The following B4GALNT3 variants were observed in gnomAD, a reference collection of about 807,000 sequenced individuals.
B4GALNT3 encodes the protein beta-1,4-N-acetylgalactosaminyltransferase 3.
Under a neutral mutation model 120.2 loss-of-function variants are expected in B4GALNT3, and 86 were observed. The ratio of observed to expected loss-of-function variants is 0.72; its 90% CI spans 0.60 to 0.86. The LOEUF (loss-of-function observed/expected upper bound fraction) is 0.86. Among genes scored for constraint, B4GALNT3 ranks in the 40% least tolerant of loss-of-function variants. The pLI, the probability that B4GALNT3 is intolerant of heterozygous loss-of-function variation, is 0.00. For missense variants in B4GALNT3, 1,167 were observed against 1,298.9 expected, an observed-to-expected ratio of 0.90 and a Z score of 1.56; for synonymous variants, 518 against 510.4, an observed-to-expected ratio of 1.01 and a Z score of -0.20.
chr12:517,198 T>A (rs1375615630), intron 1 of B4GALNT3, among the ~76,000 whole-genome samples: 1 of 152,158 alleles, frequency 6.6e-6, no homozygotes, highest in Non-Finnish European at 1.5e-5. Flanking sequence ...AAAAACCTGC[T>A]GAGATCAGCA....
chr12:546,408 G>A (rs1010717883), intron 6 of B4GALNT3, among the ~76,000 whole-genome samples: 1 of 152,006 alleles, frequency 6.6e-6, no homozygotes, highest in Non-Finnish European at 1.5e-5. Flanking sequence ...GTGCTGACTC[G>A]CGCTGCAGGT....
chr12:543,055 A>G, intron 3 of B4GALNT3: 7 of 1,234,804 alleles, frequency 5.7e-6, no homozygotes, highest in Non-Finnish European at 7.4e-6. Context: ...CCTCTCAGCT[A>G]TTCTGTCACA....
intron 3 of B4GALNT3, chr12:540,493 G>A (rs1459377620): frequency 1.3e-5 from 2 of 152,260 alleles, no homozygotes; most frequent in Admixed American, 6.5e-5. Flanking sequence ...TTTGAAGGAT[G>A]AGCAGGAGTT....
At chr12:505,467 G>T (rs1002153430) in intron 1 of B4GALNT3, among the ~76,000 whole-genome samples, 1 of 152,196 alleles carries the variant, frequency 6.6e-6, no homozygotes, top group Non-Finnish European at 1.5e-5. Context: ...AGGGCCGTCT[G>T]CCCAGCCATT....
At chr12:481,527 C>T (rs942769975) in intron 1 of B4GALNT3, among the ~76,000 whole-genome samples, 1 of 152,232 alleles carries the variant, frequency 6.6e-6, no homozygotes, top group Non-Finnish European at 1.5e-5. Context: ...TGGGACTTTG[C>T]TCTGTGCTGC....
rs1946471622 is a variant in B4GALNT3, at chr12:504,175, G to A, written c.170-30991G>A. ...TCATTGCTTAAAAAGAAAGAAAAGTGAAGGCTGAGGCAGGAGGATCACTTC... is the reference window on the plus strand; with the variant it reads ...TCATTGCTTAAAAAGAAAGAAAAGTAAAGGCTGAGGCAGGAGGATCACTTC... On this transcript the variant is annotated intron_variant, in intron 1 of 19. Coordinates refer to ENST00000266383, the MANE Select transcript of B4GALNT3 (RefSeq NM_173593.4). 2.0e-5 allele frequency among the ~76,000 whole-genome samples: 3 copies of A among 150,852 alleles called. No individual in the cohort carries two copies. The South Asian group carries it at 6.3e-4, about 32-fold the overall frequency.
chr12:511,339 T>TCCG (rs199673861), intron 1 of B4GALNT3, among the ~76,000 whole-genome samples: 20 of 51,174 alleles, frequency 3.9e-4, no homozygotes, highest in Admixed American at 1.8e-3. Flanking sequence ...CCTTCCACCT[T>TCCG]CCTTCCACCT....
At chr12:522,422 T>C (rs895258110) in intron 1 of B4GALNT3, among the ~76,000 whole-genome samples, 3 of 152,092 alleles carry the variant, frequency 2.0e-5, no homozygotes, top group Admixed American at 6.6e-5. Context: ...GGAAAAATAT[T>C]GTATGATTCC....
intron 19 of B4GALNT3, among the ~76,000 whole-genome samples, chr12:559,956 G>A (rs1947207603): frequency 1.3e-5 from 2 of 152,166 alleles, no homozygotes; most frequent in Admixed American, 6.5e-5. Flanking sequence ...TGGAGCAGGA[G>A]GAAAGGGTCA....
At chr12:512,225 T>TCTTCCAC (rs1333176650) in intron 1 of B4GALNT3, among the ~76,000 whole-genome samples, 1 of 52,170 alleles carries the variant, frequency 1.9e-5, no homozygotes, top group East Asian at 5.7e-4. Context: ...CCTTCCACCT[T>TCTTCCAC]CTTCCACCTT....
intron 1 of B4GALNT3, among the ~76,000 whole-genome samples, chr12:511,209 T>TTTTTTG: frequency 6.6e-6 from 1 of 150,634 alleles, no homozygotes; most frequent in Non-Finnish European, 1.5e-5. Context: ...TTGTTTTTTG[T>TTTTTTG]TTTTTTTGGT....
At chr12:547,132 C>T (rs2120705178) in intron 7 of B4GALNT3, among the ~76,000 whole-genome samples, 1 of 151,714 alleles carries the variant, frequency 6.6e-6, no homozygotes, top group Admixed American at 6.6e-5. Context: ...GTGGCCCACG[C>T]GCGCTCACGC....
chr12:508,868 T>C (rs544837393), intron 1 of B4GALNT3, among the ~76,000 whole-genome samples: 1 of 152,350 alleles, frequency 6.6e-6, no homozygotes, highest in Non-Finnish European at 1.5e-5. Flanking sequence ...TCATACACAA[T>C]TATTTTTCAG....
intron 1 of B4GALNT3, among the ~76,000 whole-genome samples, chr12:479,741 T>C (rs1946217042): frequency 6.6e-6 from 1 of 152,064 alleles, no homozygotes; most frequent in South Asian, 2.1e-4. Flanking sequence ...TGTAGAATCA[T>C]AGAGTATTTA....
rs1227275006 is a variant in B4GALNT3 at position 520,628 on chromosome 12, A to C, written c.170-14538A>C. ...TGAAAGGTAAGAGTAGATCAGTAGA[A>C]ATTATCTTATGGGATTGTGACTAAT... On this transcript the variant is annotated intron_variant, in intron 1 of 19. Transcript: ENST00000266383. 2.0e-5 allele frequency among the ~76,000 whole-genome samples: 3 copies of C among 152,252 alleles called. No individual in the cohort carries two copies. The South Asian group carries it at 6.2e-4, about 31-fold the overall frequency.
At chr12:471,397 A>G (rs1042959631) in intron 1 of B4GALNT3, among the ~76,000 whole-genome samples, 5 of 124,174 alleles carry the variant, frequency 4.0e-5, no homozygotes, top group African/African-American at 2.1e-4. Context: ...TAAATAAATA[A>G]ATAAATAAAT....
chr12:543,099 A>T, intron 3 of B4GALNT3: 1 of 1,288,576 alleles, frequency 7.8e-7, no homozygotes, highest in Middle Eastern at 2.1e-4. Context: ...AATGAACACC[A>T]GCCCCCTTCC....
chr12:521,043 A>G (rs150048276), intron 1 of B4GALNT3, among the ~76,000 whole-genome samples: 66 of 152,318 alleles, frequency 4.3e-4, no homozygotes, highest in African/African-American at 1.5e-3. Flanking sequence ...CCTTTGCATT[A>G]AAAACGTAAT....
intron 16 of B4GALNT3, 119 bp downstream of exon 16, chr12:557,880 A>G (rs1019935972): frequency 4.8e-6 from 7 of 1,473,532 alleles, no homozygotes; most frequent in East Asian, 2.3e-5. Context: ...CTAGTCTCCA[A>G]CTTTTCCCAG....
Sources: gnomAD v4.1 joint callset for allele counts (sites outside exome capture counted in the v4.1 genomes callset) on GRCh38, gnomAD v4.1.1 for gene constraint, MANE v1.5 for transcripts, NCBI Gene and HGNC (gene_info 2026-07-23, HGNC 2026-07-21) for gene names.